GPATCH2: variants seen among roughly 807,000 people sequenced by gnomAD.
GPATCH2 encodes G patch domain-containing protein 2.
GPATCH2 carries 51 observed loss-of-function variants against 58.0 expected under a neutral mutation model. The observed-to-expected ratio is 0.88, with a 90% CI of 0.70 to 1.11. The LOEUF (loss-of-function observed/expected upper bound fraction) is 1.11, where lower values mean the gene tolerates loss of function less well. Ranked by LOEUF, GPATCH2 falls within the 50% of genes most tolerant of loss-of-function variation. GPATCH2 has a pLI of 0.00. For missense variants in GPATCH2, 625 were observed against 652.2 expected (o/e 0.96, Z 0.45); for synonymous variants, 222 against 218.5 (o/e 1.02, Z -0.14).
chr1:217,583,135 G>T (rs1185457195), intron 5 of GPATCH2, among the ~76,000 whole-genome samples: 1 of 152,046 alleles, frequency 6.6e-6, no homozygotes, highest in Admixed American at 6.6e-5. Flanking sequence ...GATAAAAAGA[G>T]AATTAAATAA....
At chr1:217,627,845 A>G (rs1174156777) in intron 1 of GPATCH2, among the ~76,000 whole-genome samples, 1 of 152,088 alleles carries the variant, frequency 6.6e-6, no homozygotes, top group Non-Finnish European at 1.5e-5. Context: ...AGTCATTCAA[A>G]CTTTTCCTTA....
At chr1:217,547,500 G>A (rs1353763960) in intron 5 of GPATCH2, among the ~76,000 whole-genome samples, 2 of 152,080 alleles carry the variant, frequency 1.3e-5, no homozygotes, top group East Asian at 3.9e-4. Context: ...AATACCATTC[G>A]ATCCAGCAAT....
At chr1:217,564,885 A>T (rs1421027221) in intron 5 of GPATCH2, among the ~76,000 whole-genome samples, 2 of 152,002 alleles carry the variant, frequency 1.3e-5, no homozygotes, top group Admixed American at 1.3e-4. Flanking sequence ...ATCATAGTCT[A>T]AAAAAAATGA....
chr1:217,614,256 C>G (rs150089351), intron 2 of GPATCH2, 54 bp from the exon 3 acceptor site: 9 of 1,031,316 alleles, frequency 8.7e-6, no homozygotes, highest in Non-Finnish European at 1.4e-5. Flanking sequence ...ATCTCTCAGT[C>G]GTAAAATTTT....
At chr1:217,623,210 T>G (rs1239440932) in intron 1 of GPATCH2, among the ~76,000 whole-genome samples, 1 of 152,166 alleles carries the variant, frequency 6.6e-6, no homozygotes, top group South Asian at 2.1e-4. Flanking sequence ...AGTTTTCTTA[T>G]CAATGGGTGA....
chr1:217,611,264 G>A (rs1668611265), intron 3 of GPATCH2, among the ~76,000 whole-genome samples, 193 bp from the exon 4 acceptor site: 2 of 152,028 alleles, frequency 1.3e-5, no homozygotes, highest in South Asian at 2.1e-4. Context: ...TACTGCATGG[G>A]ACATACCTGT....
intron 9 of GPATCH2, among the ~76,000 whole-genome samples, chr1:217,440,747 C>T (rs265133): frequency 0.18 from 27,704 of 151,960 alleles, 2,859 homozygotes; most frequent in African/African-American, 0.29. Flanking sequence ...TGAGTGAACT[C>T]CCATTCACAA....
chr1:217,531,174 C>G (rs1664171308), intron 5 of GPATCH2, among the ~76,000 whole-genome samples: 1 of 152,110 alleles, frequency 6.6e-6, no homozygotes, highest in South Asian at 2.1e-4. Flanking sequence ...TCCTATATGT[C>G]TCTGTATCTT....
intron 1 of GPATCH2, among the ~76,000 whole-genome samples, chr1:217,625,893 A>G (rs1477417519): frequency 6.6e-6 from 1 of 152,142 alleles, no homozygotes; most frequent in East Asian, 1.9e-4. Context: ...CTGAGGCAGG[A>G]GAATTGCTCC....
At chr1:217,616,102 T>C (rs112930044) in intron 2 of GPATCH2, among the ~76,000 whole-genome samples, 6,946 of 152,186 alleles carry the variant, frequency 0.046, 214 homozygotes, top group Middle Eastern at 0.095. Flanking sequence ...AGATTAACCA[T>C]AGTAATGTAC....
chr1:217,458,732 T>C (rs1660070052), intron 8 of GPATCH2, among the ~76,000 whole-genome samples: 1 of 152,218 alleles, frequency 6.6e-6, no homozygotes, highest in African/African-American at 2.4e-5. Flanking sequence ...ATTCTGCCCA[T>C]GTTAGAGAGC....
intron 5 of GPATCH2, among the ~76,000 whole-genome samples, chr1:217,529,221 C>T (rs940320080): frequency 2.6e-5 from 4 of 152,132 alleles, no homozygotes; most frequent in Non-Finnish European, 5.9e-5. Flanking sequence ...ATAACTGTAA[C>T]TGGAAAATCT....
chr1:217,549,466 G>C (rs771436587), intron 5 of GPATCH2, among the ~76,000 whole-genome samples: 1 of 152,150 alleles, frequency 6.6e-6, no homozygotes, highest in Non-Finnish European at 1.5e-5. Context: ...TGTATAGAAA[G>C]ATTAGTATCC....
chr1:217,472,296 C>CTTTTTT (rs11326840), intron 8 of GPATCH2, among the ~76,000 whole-genome samples: 75 of 89,996 alleles, frequency 8.3e-4, no homozygotes, highest in Non-Finnish European at 1.3e-3. Context: ...TTTCAACAGA[C>CTTTTTT]TTTTTTTTTT....
chr1:217,519,517 T>TA (rs913093495), intron 5 of GPATCH2, among the ~76,000 whole-genome samples: 50 of 152,244 alleles, frequency 3.3e-4, no homozygotes, highest in African/African-American at 9.6e-4. Context: ...TAAAGAGGAA[T>TA]AAAAAATCAC....
intron 8 of GPATCH2, among the ~76,000 whole-genome samples, chr1:217,490,723 T>C (rs1204510250): frequency 6.6e-6 from 1 of 152,254 alleles, no homozygotes; most frequent in Non-Finnish European, 1.5e-5. Flanking sequence ...TATAAACATC[T>C]CATCCATAGT....
intron 6 of GPATCH2, among the ~76,000 whole-genome samples, chr1:217,512,672 A>G (rs938591882): frequency 3.3e-5 from 5 of 152,230 alleles, no homozygotes; most frequent in African/African-American, 1.2e-4. Flanking sequence ...AACTGCAACA[A>G]CAAACACAAC....
In GPATCH2 at chr1:217,428,079, G is replaced by A. The variant is rs919470768; in HGVS notation, c.*3066C>T. 20 of 152,110 alleles carry A rather than the reference G, an allele frequency of 1.3e-4. No homozygotes were observed. Among genetic ancestry groups the A allele is most frequent in the African/African-American group, 4.6e-4 (19 of 41,416 alleles). 9.4% of individuals were successfully genotyped at this position (152,110 alleles called of 1,614,324 possible). A position where few individuals can be genotyped will look rare whatever the true frequency, so the allele number is the denominator to read the frequency against. ...AGTAACCAAATTAAATAGTGTATTC[G>A]GGGAGCAGAAAAGAAGGAAACAAAT... is the stretch of plus-strand genomic sequence containing the variant. On this transcript the variant is annotated 3_prime_UTR_variant, in exon 10 of 10. Transcript: ENST00000366935.
chr1:217,590,024 CTTT>C (rs771810707), intron 5 of GPATCH2, among the ~76,000 whole-genome samples: 7 of 138,528 alleles, frequency 5.1e-5, no homozygotes, highest in Admixed American at 7.3e-5. Context: ...TGTACAACGT[CTTT>C]TTTTTTTTTT....
Sources: allele counts gnomAD v4.1 joint callset (sites outside exome capture counted in the v4.1 genomes callset), GRCh38; gene constraint gnomAD v4.1.1; transcripts MANE v1.5; gene names NCBI Gene and HGNC (gene_info 2026-07-23, HGNC 2026-07-21).